The following C1QTNF3 variants were observed in gnomAD, a reference collection of about 807,000 sequenced individuals.
C1QTNF3 encodes the protein C1q and TNF related 3, also known as complement C1q tumor necrosis factor-related protein 3.
In C1QTNF3, 26 loss-of-function variants were observed where a neutral mutation model predicts 32.6. The ratio of observed to expected loss-of-function variants is 0.80; its 90% CI spans 0.58 to 1.11. C1QTNF3 has a LOEUF of 1.11. C1QTNF3 is among the 50% of genes least tolerant of loss of function. The pLI, the probability that C1QTNF3 is intolerant of heterozygous loss-of-function variation, is 0.00. For missense variants in C1QTNF3, 362 were observed against 398.2 expected, an observed-to-expected ratio of 0.91 and a Z score of 0.77; for synonymous variants, 155 against 146.0, an observed-to-expected ratio of 1.06 and a Z score of -0.44.
the C1QTNF3 span, among the ~76,000 whole-genome samples, chr5:34,226,154 A>T: frequency 6.6e-6 from 1 of 151,986 alleles, no homozygotes; most frequent in Non-Finnish European, 1.5e-5. Context: ...AATATCTTCT[A>T]TGTATAAACT....
At chr5:34,237,524 A>G in the C1QTNF3 span, among the ~76,000 whole-genome samples, 1 of 152,202 alleles carries the variant, frequency 6.6e-6, no homozygotes, top group Non-Finnish European at 1.5e-5. Flanking sequence ...AATATTCAAA[A>G]ATGTTACAAA....
chr5:34,241,934 AGGGAGGAAGGGAGGGAG>A, the C1QTNF3 span, among the ~76,000 whole-genome samples: 2 of 123,376 alleles, frequency 1.6e-5, no homozygotes, highest in Admixed American at 8.4e-5. Flanking sequence ...GATGGACGGA[AGGGAGGAAGGGAGGGAG>A]GGAAGGAAGG....
the C1QTNF3 span, among the ~76,000 whole-genome samples, chr5:34,071,715 T>C: frequency 6.6e-6 from 1 of 152,172 alleles, no homozygotes. Context: ...TAATCTATAA[T>C]AGCATCAGTG....
chr5:34,173,035 T>A, the C1QTNF3 span, among the ~76,000 whole-genome samples: 3 of 152,214 alleles, frequency 2.0e-5, no homozygotes, highest in Non-Finnish European at 4.4e-5. Flanking sequence ...ATGCTCAGAC[T>A]AGCACATATG....
chr5:34,224,155 T>C, the C1QTNF3 span, among the ~76,000 whole-genome samples: 3 of 152,018 alleles, frequency 2.0e-5, no homozygotes, highest in Non-Finnish European at 4.4e-5. Context: ...TAAAAGAGGA[T>C]ACAAAGAAAT....
the C1QTNF3 span, among the ~76,000 whole-genome samples, chr5:34,244,301 T>C: frequency 6.6e-6 from 1 of 152,210 alleles, no homozygotes. Flanking sequence ...GCTGCAGACC[T>C]TCTTGGTGAG....
intron 1 of C1QTNF3, among the ~76,000 whole-genome samples, chr5:34,039,052 G>A (rs1754808994): frequency 6.6e-6 from 1 of 152,198 alleles, no homozygotes; most frequent in Non-Finnish European, 1.5e-5. Context: ...TGTGCATTAA[G>A]AGGCAAAATG....
At chr5:34,049,438 T>A in the C1QTNF3 span, among the ~76,000 whole-genome samples, 1 of 152,156 alleles carries the variant, frequency 6.6e-6, no homozygotes, top group African/African-American at 2.4e-5. Flanking sequence ...CTTCTGTAGA[T>A]GGAAGTCAAA....
chr5:34,019,839 A>G lies in C1QTNF3; in HGVS notation c.*744T>C, dbSNP rs1375305871. On this transcript the variant is annotated 3_prime_UTR_variant, in exon 6 of 6. Coordinates refer to ENST00000382065, the MANE Select transcript of C1QTNF3 (RefSeq NM_181435.6). ...TTCAGATATAAAATCCCTCTGGTCA[A>G]CATGCAACATTTGAATATCTATTGG... The G allele has an allele frequency of 6.6e-6, 1 of 152,232 alleles. No individual in the cohort carries two copies. The highest frequency in any genetic ancestry group is 2.4e-5 in the African/African-American group (1 of 41,460). The allele number at this position is 152,232 out of a possible 1,614,324, so 9.4% of individuals were successfully genotyped here.
rs1176540996 is a variant in C1QTNF3, at chr5:34,042,965, C to T, written c.161G>A (p.Arg54Lys). ...ATGGCTCCGCTCTCTCACTTTCTCCCTCCTGGAGCCGCTACGGCCAGTCTG... is the reference window on the plus strand; with the variant it reads ...ATGGCTCCGCTCTCTCACTTTCTCCTTCCTGGAGCCGCTACGGCCAGTCTG... ...HQQTGRSGSRREKVRERSHPK... is the reference protein window; with the variant it reads ...HQQTGRSGSRKEKVRERSHPK... The change falls in exon 1 of 6, where the codon AGG becomes AAG. Residue 54 changes from arginine to lysine, a missense_variant. Arg to Lys is a conservative substitution (Grantham distance 26). Transcript: ENST00000382065. The T allele has an allele frequency of 1.9e-6, 3 of 1,614,224 alleles. No homozygotes were observed. The highest frequency in any genetic ancestry group is 2.5e-6 in the Non-Finnish European group (3 of 1,180,030).
the C1QTNF3 span, among the ~76,000 whole-genome samples, chr5:34,099,972 C>T: frequency 1.7e-4 from 26 of 151,714 alleles, no homozygotes; most frequent in Admixed American, 4.6e-4. Flanking sequence ...TTGTCACAAG[C>T]TAGTGGCTGT....
chr5:34,157,061 T>G, the C1QTNF3 span, among the ~76,000 whole-genome samples: 2 of 152,228 alleles, frequency 1.3e-5, no homozygotes, highest in Admixed American at 1.3e-4. Flanking sequence ...CAATATATAA[T>G]TTTTATGACT....
At chr5:34,161,911 T>A in the C1QTNF3 span, among the ~76,000 whole-genome samples, 963 of 152,286 alleles carry the variant, frequency 6.3e-3, 14 homozygotes, top group African/African-American at 0.022. Context: ...CCATGCATTG[T>A]GTCTCCTTTG....
At chr5:34,115,817 GA>G in the C1QTNF3 span, among the ~76,000 whole-genome samples, 1 of 150,934 alleles carries the variant, frequency 6.6e-6, no homozygotes, top group African/African-American at 2.4e-5. Flanking sequence ...CCTTTTGTTA[GA>G]TATATCTTAG....
the C1QTNF3 span, among the ~76,000 whole-genome samples, chr5:34,119,220 T>C: frequency 2.6e-5 from 4 of 152,182 alleles, no homozygotes; most frequent in African/African-American, 9.7e-5. Flanking sequence ...TATCTCTGAG[T>C]GTTACTATCC....
the C1QTNF3 span, among the ~76,000 whole-genome samples, chr5:34,099,310 CTTAG>C: frequency 6.6e-6 from 1 of 152,080 alleles, no homozygotes; most frequent in Non-Finnish European, 1.5e-5. Context: ...AACATATTTA[CTTAG>C]TTAATGTGAA....
At chr5:34,197,756 C>T in the C1QTNF3 span, among the ~76,000 whole-genome samples, 1 of 151,882 alleles carries the variant, frequency 6.6e-6, no homozygotes, top group Non-Finnish European at 1.5e-5. Flanking sequence ...CTATAGAATA[C>T]CATAGACAGG....
the C1QTNF3 span, among the ~76,000 whole-genome samples, chr5:34,219,059 C>G: frequency 6.6e-6 from 1 of 151,942 alleles, no homozygotes; most frequent in Non-Finnish European, 1.5e-5. Context: ...ATTTTGAATA[C>G]TTTTTTTAAA....
chr5:34,103,397 C>T, the C1QTNF3 span, among the ~76,000 whole-genome samples: 6 of 151,426 alleles, frequency 4.0e-5, no homozygotes, highest in African/African-American at 1.5e-4. Context: ...AAACTCCTGG[C>T]CTCTAGTGTG....
Sources: gnomAD v4.1 joint callset for allele counts (sites outside exome capture counted in the v4.1 genomes callset) on GRCh38, gnomAD v4.1.1 for gene constraint, MANE v1.5 for transcripts, NCBI Gene and HGNC (gene_info 2026-07-23, HGNC 2026-07-21) for gene names.